The following PLCB4 variants were observed in gnomAD, a reference collection of about 807,000 sequenced individuals.
The protein encoded by PLCB4 is phospholipase C beta 4, also known as 1-phosphatidylinositol 4,5-bisphosphate phosphodiesterase beta-4.
A neutral mutation model predicts 178.8 loss-of-function variants in PLCB4; 77 were observed. The ratio of observed to expected loss-of-function variants is 0.43; its 90% CI spans 0.36 to 0.52. The LOEUF (loss-of-function observed/expected upper bound fraction) is 0.52. Ranked by LOEUF, PLCB4 falls within the 20% of genes least tolerant of loss-of-function variation. The pLI is 0.00. For missense variants in PLCB4, 1,024 were observed against 1,453.4 expected (o/e 0.70, Z 4.80); for synonymous variants, 496 against 490.8 (o/e 1.01, Z -0.14).
chr20:9,376,613 G>T (rs949961390), intron 12 of PLCB4, among the ~76,000 whole-genome samples: 3 of 152,148 alleles, frequency 2.0e-5, no homozygotes, highest in African/African-American at 7.2e-5. Flanking sequence ...TCAATTGCTT[G>T]TATGTGGCAA....
chr20:9,299,885 C>A (rs1222901747), intron 3 of PLCB4, among the ~76,000 whole-genome samples: 1 of 151,862 alleles, frequency 6.6e-6, no homozygotes, highest in Non-Finnish European at 1.5e-5. Context: ...ACCAGATATG[C>A]CCTCACCCCA....
At chr20:9,255,965 T>C (rs776899059) in intron 3 of PLCB4, among the ~76,000 whole-genome samples, 8 of 152,146 alleles carry the variant, frequency 5.3e-5, no homozygotes, top group African/African-American at 9.7e-5. Flanking sequence ...ATATTACCTT[T>C]CTGAATTCTG....
At chr20:9,222,266 T>A (rs2093809451) in intron 3 of PLCB4, among the ~76,000 whole-genome samples, 1 of 151,514 alleles carries the variant, frequency 6.6e-6, no homozygotes, top group Admixed American at 6.6e-5. Context: ...ATTTGTAAAA[T>A]TTTTTTTGTA....
At chr20:9,353,354 C>T (rs2034508205) in intron 7 of PLCB4, among the ~76,000 whole-genome samples, 1 of 152,144 alleles carries the variant, frequency 6.6e-6, no homozygotes, top group Admixed American at 6.5e-5. Flanking sequence ...CCCTCTTGTC[C>T]CATGGGCATG....
chr20:9,144,596 C>G (rs983337337), intron 2 of PLCB4, among the ~76,000 whole-genome samples: 1 of 147,138 alleles, frequency 6.8e-6, no homozygotes, highest in Non-Finnish European at 1.5e-5. Context: ...AGTTCAAGAC[C>G]AGCTTGAGCA....
At chr20:9,162,562 G>A (rs2092905863) in intron 2 of PLCB4, among the ~76,000 whole-genome samples, 1 of 152,148 alleles carries the variant, frequency 6.6e-6, no homozygotes, top group Non-Finnish European at 1.5e-5. Context: ...GAATTGGAAA[G>A]GATGGTATTT....
At chr20:9,322,966 C>T (rs1457521011) in intron 4 of PLCB4, among the ~76,000 whole-genome samples, 1 of 152,202 alleles carries the variant, frequency 6.6e-6, no homozygotes, top group East Asian at 1.9e-4. Flanking sequence ...TAATACCTAC[C>T]TCGCATTGCC....
chr20:9,374,407 G>C (rs912242505), intron 12 of PLCB4, among the ~76,000 whole-genome samples: 3 of 152,106 alleles, frequency 2.0e-5, no homozygotes, highest in African/African-American at 7.2e-5. Context: ...AAATTGCTTT[G>C]TTTTGTTTCT....
At chr20:9,452,974 T>C (rs2042856766) in intron 32 of PLCB4, among the ~76,000 whole-genome samples, 1 of 152,192 alleles carries the variant, frequency 6.6e-6, no homozygotes, top group African/African-American at 2.4e-5. Flanking sequence ...AGGACCAATG[T>C]GTGGAAGGGG....
chr20:9,407,421 G>C (rs1316026755), intron 21 of PLCB4, among the ~76,000 whole-genome samples: 1 of 149,990 alleles, frequency 6.7e-6, no homozygotes, highest in Non-Finnish European at 1.5e-5. Context: ...CTGGTCTGGA[G>C]TGCAGTGGCA....
intron 2 of PLCB4, among the ~76,000 whole-genome samples, chr20:9,202,485 C>T (rs2093559109): frequency 1.3e-5 from 2 of 152,154 alleles, no homozygotes; most frequent in African/African-American, 4.8e-5. Context: ...GCTCTTAGTT[C>T]CCCATTTTAT....
chr20:9,198,138 C>T (rs2093496206), intron 2 of PLCB4, among the ~76,000 whole-genome samples: 2 of 152,022 alleles, frequency 1.3e-5, no homozygotes. Context: ...GGTGTAGTCT[C>T]AGAGATATAA....
chr20:9,195,720 C>T (rs75463020), intron 2 of PLCB4, among the ~76,000 whole-genome samples: 7 of 152,096 alleles, frequency 4.6e-5, no homozygotes, highest in Admixed American at 1.3e-4. Flanking sequence ...CCAACTTTCC[C>T]GGCTCTCCAA....
At chr20:9,465,308 C>T (rs1180418194) in intron 35 of PLCB4, among the ~76,000 whole-genome samples, 10 of 152,178 alleles carry the variant, frequency 6.6e-5, no homozygotes, top group Admixed American at 5.2e-4. Context: ...CTATTTATGA[C>T]AAACCCACAG....
At chr20:9,179,055 T>C (rs555815227) in intron 2 of PLCB4, among the ~76,000 whole-genome samples, 1 of 152,302 alleles carries the variant, frequency 6.6e-6, no homozygotes, top group Non-Finnish European at 1.5e-5. Context: ...TAACTTAAAA[T>C]TGACTTTTGG....
chr20:9,127,674 CTATCT>C (rs2092155860), intron 2 of PLCB4, among the ~76,000 whole-genome samples: 1 of 151,524 alleles, frequency 6.6e-6, no homozygotes, highest in Non-Finnish European at 1.5e-5. Flanking sequence ...ATCTATCTAT[CTATCT>C]ATCTATCCAT....
intron 3 of PLCB4, among the ~76,000 whole-genome samples, chr20:9,248,535 A>T (rs1187325738): frequency 6.6e-6 from 1 of 152,234 alleles, no homozygotes; most frequent in African/African-American, 2.4e-5. Context: ...TCGCTTAAAC[A>T]TGTTAGAAAT....
chr20:9,070,028 G>GTTTT (rs11484188), intron 1 of PLCB4, among the ~76,000 whole-genome samples: 2 of 150,704 alleles, frequency 1.3e-5, no homozygotes, highest in African/African-American at 4.9e-5. Flanking sequence ...CAGGAAAGGT[G>GTTTT]TTTTTTTTTC....
At chr20:9,359,222 G>C (rs183125908) in intron 7 of PLCB4, among the ~76,000 whole-genome samples, 6 of 152,268 alleles carry the variant, frequency 3.9e-5, no homozygotes, top group African/African-American at 1.4e-4. Flanking sequence ...AATGTTCCCG[G>C]GGCAAAGGTG....
Sources: gnomAD v4.1 joint callset for allele counts (sites outside exome capture counted in the v4.1 genomes callset) on GRCh38, gnomAD v4.1.1 for gene constraint, MANE v1.5 for transcripts, NCBI Gene and HGNC (gene_info 2026-07-23, HGNC 2026-07-21) for gene names.